The following SLC12A7 variants were observed in gnomAD, a reference collection of about 807,000 sequenced individuals.
SLC12A7 encodes the protein solute carrier family 12 member 7.
In SLC12A7, 100 loss-of-function variants were observed where a neutral mutation model predicts 120.6. The observed-to-expected ratio is 0.83, with a 90% confidence interval of 0.71 to 0.98. SLC12A7 has a LOEUF of 0.98. Ranked by LOEUF, SLC12A7 falls within the 50% of genes least tolerant of loss-of-function variation. The pLI is 0.00. For synonymous variants in SLC12A7, 760 were observed against 678.0 expected (o/e 1.12, Z -1.88); for missense variants, 1,373 against 1,548.1 (o/e 0.89, Z 1.90).
chr5:1,107,831 T>C (rs1742648009), intron 1 of SLC12A7, among the ~76,000 whole-genome samples: 2 of 152,162 alleles, frequency 1.3e-5, no homozygotes. Flanking sequence ...GGCAAAGGTC[T>C]CCTCATATGA....
chr5:1,059,685 A>G (rs747404785), intron 21 of SLC12A7, among the ~76,000 whole-genome samples: 15 of 147,856 alleles, frequency 1.0e-4, no homozygotes, highest in Non-Finnish European at 1.8e-4. Flanking sequence ...AGCAGCCTAC[A>G]GTTACCCACG....
chr5:1,074,317 C>CCT (rs1167098047), intron 16 of SLC12A7, among the ~76,000 whole-genome samples: 1 of 152,168 alleles, frequency 6.6e-6, no homozygotes, highest in Non-Finnish European at 1.5e-5. Context: ...CAGGAGCCAC[C>CCT]CTCTCCCACC....
Position 1,075,281 on chromosome 5 carries a change from A to G in SLC12A7, c.1967+90T>C. ...GGCACACGACGCTCAAGCCCCAGGG[A>G]GGCCCCTCCAGGGAGCTGCCCCAGG... On this transcript the variant is annotated intron_variant, in intron 15 of 23. Transcript: ENST00000264930. 3 of 1,507,002 alleles carry G rather than the reference A, an allele frequency of 2.0e-6. No individual in the cohort carries two copies. The African/African-American group carries it at 4.1e-5, about 21-fold the overall frequency. 93.4% of individuals were successfully genotyped at this position (1,507,002 alleles called of 1,614,324 possible).
chr5:1,092,364 C>T lies in SLC12A7; in HGVS notation c.342+1169G>A, dbSNP rs932353165. 3.9e-5 allele frequency among the ~76,000 whole-genome samples: 6 copies of T among 152,304 alleles called. No homozygotes were observed. In the East Asian group the frequency reaches 1.2e-3, roughly 29 times the overall value. ...CAGGGGAGGGCAAGGAGCCGGCCGA[C>T]GGACGCCCCACTTGGTGGAGGTCAC... On this transcript the variant is annotated intron_variant, in intron 3 of 23. Coordinates refer to ENST00000264930, the MANE Select transcript of SLC12A7 (RefSeq NM_006598.3).
intron 1 of SLC12A7, among the ~76,000 whole-genome samples, chr5:1,109,362 C>T (rs1211921449): frequency 6.6e-6 from 1 of 152,178 alleles, no homozygotes; most frequent in Admixed American, 6.5e-5. Flanking sequence ...ACGCAGCCGG[C>T]CCCCAGCAGT....
intron 8 of SLC12A7, among the ~76,000 whole-genome samples, chr5:1,083,042 G>C (rs1467896480): frequency 6.6e-6 from 1 of 150,790 alleles, no homozygotes; most frequent in Non-Finnish European, 1.5e-5. Context: ...CCCGTCTCAG[G>C]TTCTGGAAAG....
At chr5:1,147,916 G>A in the SLC12A7 span, among the ~76,000 whole-genome samples, 1 of 151,992 alleles carries the variant, frequency 6.6e-6, no homozygotes, top group African/African-American at 2.4e-5. Flanking sequence ...AAAATTTTTT[G>A]TAGAGACGGG....
Position 1,076,800 on chromosome 5 carries a change from C to T in SLC12A7, c.1642G>A (p.Gly548Arg), listed in dbSNP as rs367928357. Residue 548 changes from glycine (G) to arginine (R), a missense_variant, in exon 13 of 24, where the codon GGG (glycine) becomes AGG (arginine). By Grantham distance (125) the Gly-to-Arg change is moderately radical (BLOSUM62 -2). Transcript: ENST00000264930. ...IVPFLQVFGH[G>R]KANGEPTWAL... Reference sequence around the variant, plus strand: ...CACGTGGGCTCCCCGTTGGCCTTCCCGTGGCCAAACACCTGCAGGGAGAAG... The same window carrying T: ...CACGTGGGCTCCCCGTTGGCCTTCCTGTGGCCAAACACCTGCAGGGAGAAG... 4.0e-5 allele frequency: 65 copies of T among 1,608,568 alleles called. No individual in the cohort carries two copies. Among genetic ancestry groups the T allele is most frequent in the South Asian group, 1.2e-4 (11 of 91,054 alleles).
At chr5:1,122,345 T>G in the SLC12A7 span, among the ~76,000 whole-genome samples, 1 of 152,068 alleles carries the variant, frequency 6.6e-6, no homozygotes, top group Admixed American at 6.5e-5. Context: ...AAATTCTGGC[T>G]GCCCAGCACA....
rs1241256944 is a variant in SLC12A7 at position 1,065,492 on chromosome 5, G to C, written c.2242-14C>G. On this transcript the variant is annotated splice_polypyrimidine_tract_variant and intron_variant, in intron 17 of 23. Coordinates refer to ENST00000264930, the MANE Select transcript of SLC12A7 (RefSeq NM_006598.3). ...GGACCGTATGTTCTGCGGGAGACAGGACAGGTTGGTGCTACAGCAGGAATG... is the reference window on the plus strand; with the variant it reads ...GGACCGTATGTTCTGCGGGAGACAGCACAGGTTGGTGCTACAGCAGGAATG... 1.3e-6 allele frequency: 2 copies of C among 1,554,492 alleles called. No homozygotes were observed. The highest frequency in any genetic ancestry group is 1.7e-6 in the Non-Finnish European group (2 of 1,145,178).
At chr5:1,061,173 GCGTCTCACCCA>G in intron 20 of SLC12A7, among the ~76,000 whole-genome samples, 3 of 29,054 alleles carry the variant, frequency 1.0e-4, no homozygotes, top group Non-Finnish European at 2.5e-4. Context: ...CGGGACCCCT[GCGTCTCACCCA>G]CCGCACCCGC....
chr5:1,124,203 A>G, the SLC12A7 span, among the ~76,000 whole-genome samples: 1 of 152,268 alleles, frequency 6.6e-6, no homozygotes, highest in Admixed American at 6.5e-5. Flanking sequence ...TTCACAGGCC[A>G]GAGATCTTCA....
At chr5:1,091,974 C>G (rs1163093053) in intron 3 of SLC12A7, among the ~76,000 whole-genome samples, 1 of 152,210 alleles carries the variant, frequency 6.6e-6, no homozygotes, top group South Asian at 2.1e-4. Context: ...GCAGGGGAAC[C>G]AGAAAGAGGT....
intron 3 of SLC12A7, among the ~76,000 whole-genome samples, chr5:1,092,128 C>T (rs947556295): frequency 6.6e-6 from 1 of 152,246 alleles, no homozygotes; most frequent in South Asian, 2.1e-4. Context: ...CAGATTGAGG[C>T]TTCTCAAAAA....
At chr5:1,096,902 GAGGA>G in intron 1 of SLC12A7, among the ~76,000 whole-genome samples, 1 of 142,762 alleles carries the variant, frequency 7.0e-6, no homozygotes, top group East Asian at 2.3e-4. Context: ...AGGAGGGAGG[GAGGA>G]AGGGAGGGAA....
the SLC12A7 span, among the ~76,000 whole-genome samples, chr5:1,136,542 G>T: frequency 1.8e-5 from 2 of 113,076 alleles, no homozygotes; most frequent in Non-Finnish European, 3.3e-5. Flanking sequence ...AGGCACACGT[G>T]TGCTCAGACA....
the SLC12A7 span, among the ~76,000 whole-genome samples, chr5:1,123,962 G>A: frequency 4.6e-5 from 7 of 152,334 alleles, no homozygotes; most frequent in East Asian, 1.9e-4. Flanking sequence ...AGGCCAATAC[G>A]CTACTAAATT....
At position 1,065,405 on chromosome 5, in the gene SLC12A7, TCC is replaced by T. The variant is rs1440248056; in HGVS notation, c.2313_2314del (p.Asp772TrpfsTer143). ...CGACTGGATCAGGTGGGACATGCCA[TCC>T]CGCAGGCTGGACGAGACCACCAGCT... On this transcript the variant is annotated frameshift_variant, in exon 18 of 24. Transcript: ENST00000264930. LOFTEE classifies it high-confidence loss of function. The T allele has an allele frequency of 6.2e-7, 1 of 1,612,520 alleles. No individual in the cohort carries two copies. The highest frequency in any genetic ancestry group is 1.1e-5 in the South Asian group (1 of 91,036).
intron 14 of SLC12A7, chr5:1,075,803 G>A (rs1033011081): frequency 2.0e-6 from 1 of 498,590 alleles, no homozygotes; most frequent in African/African-American, 1.9e-5. Context: ...GGGGAGGGGA[G>A]TTAAGAAGAC....
Sources: gnomAD v4.1 joint callset for allele counts (sites outside exome capture counted in the v4.1 genomes callset) on GRCh38, gnomAD v4.1.1 for gene constraint, MANE v1.5 for transcripts, NCBI Gene and HGNC (gene_info 2026-07-23, HGNC 2026-07-21) for gene names.